PKD1: variants seen among roughly 807,000 people sequenced by gnomAD.
PKD1 encodes the protein polycystin-1.
PKD1 carries 81 observed loss-of-function variants against 361.7 expected under a neutral mutation model. The observed-to-expected ratio is 0.22, with a 90% confidence interval of 0.19 to 0.27. The LOEUF is 0.27. Ranked by LOEUF, PKD1 falls within the 10% of genes least tolerant of loss-of-function variation. The pLI, the probability that PKD1 is intolerant of heterozygous loss-of-function variation, is 1.00. For synonymous variants in PKD1, 3,615 were observed against 2,818.3 expected, an observed-to-expected ratio of 1.28 and a Z score of -8.95; for missense variants, 6,399 against 6,118.3, an observed-to-expected ratio of 1.05 and a Z score of -1.53.
rs760397010 is a variant in PKD1 at position 2,089,843 on chromosome 16, G to T, written c.12796C>A (p.Leu4266Met). The change falls in exon 46 of 46, where the codon CTG (leucine) becomes ATG (methionine). Residue 4266 changes from leucine to methionine, a missense_variant. Leu to Met is a conservative substitution (Grantham distance 15). Coordinates refer to ENST00000262304, the MANE Select transcript of PKD1 (RefSeq NM_001009944.3). ...AGGCGGCTGGGCAGTGCTGGCCGCA[G>T]GCCCGGGGATGGGCCACGGGAAGAT... ...AGSSRGPSPGLRPALPSRLAR... is the reference protein window; with the variant it reads ...AGSSRGPSPGMRPALPSRLAR... 3 of 1,606,188 alleles carry T rather than the reference G, an allele frequency of 1.9e-6. No homozygotes were observed. The highest frequency in any genetic ancestry group is 2.5e-6 in the Non-Finnish European group (3 of 1,177,150).
rs1407130106 is a variant in PKD1, at chr16:2,098,924, G to A, written c.10050+720C>T. 2.0e-5 allele frequency: 3 copies of A among 151,646 alleles called. No individual in the cohort carries two copies. The South Asian group carries it at 5.7e-4, about 29-fold the overall frequency. The allele number at this position is 151,646 out of a possible 1,614,324, so 9.4% of individuals were successfully genotyped here. A position where few individuals can be genotyped will look rare whatever the true frequency, so the allele number is the denominator to read the frequency against. The stretch of plus-strand genomic sequence containing the variant: ...CGGCTCACTGCAAGCTCCGCCTCCT[G>A]GGTTCATGCCATTCTCCTGCCTCAG... On this transcript the variant is annotated intron_variant, in intron 30 of 45. Coordinates refer to ENST00000262304, the MANE Select transcript of PKD1 (RefSeq NM_001009944.3).
At position 2,092,551 on chromosome 16, in the gene PKD1, G is replaced by A. The variant is rs2091644809; in HGVS notation, c.11198C>T (p.Pro3733Leu). 3.1e-6 allele frequency: 5 copies of A among 1,612,470 alleles called. No homozygotes were observed. The Admixed American group carries it at 8.3e-5, about 27-fold the overall frequency. ...LWPWMAHVLL[P>L]YVHGNQSSPE... Reference sequence around the variant, plus strand: ...GCTGGACTGGTTCCCGTGGACGTAGGGCAGCAGCACGTGGGCCATCCATGG... The same window carrying A: ...GCTGGACTGGTTCCCGTGGACGTAGAGCAGCAGCACGTGGGCCATCCATGG... Residue 3733 changes from proline to leucine, a missense_variant, in exon 39 of 46, where the codon CCC becomes CTC. By Grantham distance (98) the Pro-to-Leu change is moderately conservative. Transcript: ENST00000262304.
chr16:2,107,232 G>T, intron 16 of PKD1: 1 of 505,734 alleles, frequency 2.0e-6, no homozygotes, highest in South Asian at 2.0e-5. Flanking sequence ...GCCCCTGGGG[G>T]GATGCGTGTG....
intron 40 of PKD1, 48 bp downstream of exon 40, chr16:2,091,999 T>G: frequency 6.2e-7 from 1 of 1,612,548 alleles, no homozygotes; most frequent in South Asian, 1.1e-5. Flanking sequence ...CCTGGAGAAC[T>G]ACTCCCTTGT....
At position 2,088,858 on chromosome 16, in the gene PKD1, AGCACACTC is replaced by A. The variant is rs2091263902; in HGVS notation, c.*861_*868del. The A allele has an allele frequency of 5.3e-6, 3 of 561,070 alleles. No homozygotes were observed. The highest frequency in any genetic ancestry group is 9.5e-6 in the Non-Finnish European group (3 of 316,482). The allele number at this position is 561,070 out of a possible 1,614,324, so 34.8% of individuals were successfully genotyped here. Reference sequence around the variant, plus strand: ...GGCCTTGAGGCTGCCTGGGCCATACAGCACACTCGCGCGTGCGCGCGCGCACACACACA... The same window carrying A: ...GGCCTTGAGGCTGCCTGGGCCATACAGCGCGTGCGCGCGCGCACACACACA... On this transcript the variant is annotated 3_prime_UTR_variant, in exon 46 of 46. Transcript: ENST00000262304.
At chr16:2,095,713 G>A (rs1042331404) in intron 34 of PKD1, among the ~76,000 whole-genome samples, 5 of 152,268 alleles carry the variant, frequency 3.3e-5, no homozygotes, top group South Asian at 2.1e-4. Flanking sequence ...TGGTCAGCCC[G>A]AAGCACTGTC....
At chr16:2,098,071 A>G (rs1219215657) in intron 30 of PKD1, 87 bp from the exon 31 acceptor site, 2 of 716,688 alleles carry the variant, frequency 2.8e-6, no homozygotes, top group Admixed American at 2.0e-5. Flanking sequence ...CAGACAGGAC[A>G]GAGCCCGGTG....
chr16:2,102,320 C>T, intron 25 of PKD1, 61 bp downstream of exon 25: 1 of 1,506,814 alleles, frequency 6.6e-7, no homozygotes, highest in Non-Finnish European at 9.0e-7. Context: ...CAGGATAGAG[C>T]CGAGCCCACC....
At position 2,111,883 on chromosome 16, in the gene PKD1, G is replaced by C. The variant is rs1365959411; in HGVS notation, c.3296-12C>G. 2.5e-6 allele frequency: 4 copies of C among 1,609,850 alleles called. No homozygotes were observed. Among genetic ancestry groups the C allele is most frequent in the African/African-American group, 1.3e-5 (1 of 74,956 alleles). On this transcript the variant is annotated splice_polypyrimidine_tract_variant and intron_variant, in intron 14 of 45. Transcript: ENST00000262304. Reference sequence around the variant, plus strand: ...CAGGAGGTACTCACCTGTGGGGACAGGCCCGAGTGGGGCAGCCGCGGCACC... The same window carrying C: ...CAGGAGGTACTCACCTGTGGGGACACGCCCGAGTGGGGCAGCCGCGGCACC...
intron 38 of PKD1, 131 bp from the exon 39 acceptor site, chr16:2,092,723 C>A: frequency 1.2e-6 from 1 of 849,490 alleles, no homozygotes; most frequent in African/African-American, 1.7e-5. Context: ...GCTTCTCAGC[C>A]TTATCCTGGG....
chr16:2,094,536 C>T (rs1459604960), intron 34 of PKD1, among the ~76,000 whole-genome samples: 1 of 152,214 alleles, frequency 6.6e-6, no homozygotes, highest in Admixed American at 6.5e-5. Flanking sequence ...CCCTTCAACC[C>T]TGCAAACTAT....
rs36224525 is a variant in PKD1 at position 2,093,508 on chromosome 16, G to A, written c.11016+36C>T. 1.7e-3 allele frequency: 2,652 copies of A among 1,562,994 alleles called. 10 individuals carry two copies. The highest frequency in any genetic ancestry group is 2.1e-3 in the Non-Finnish European group (2,456 of 1,150,288). ...GGGTGGGAGGTGGGAGACAAGAGAC[G>A]GAGGTGGCAGGGGCACAGGCCGCAC... On this transcript the variant is annotated intron_variant, in intron 37 of 45. Coordinates refer to ENST00000262304, the MANE Select transcript of PKD1 (RefSeq NM_001009944.3).
At position 2,090,486 on chromosome 16, in the gene PKD1, G is replaced by C. The variant is rs1349414336; in HGVS notation, c.12243C>G (p.His4081Gln). 2 of 1,612,082 alleles carry C rather than the reference G, an allele frequency of 1.2e-6. No homozygotes were observed. Among genetic ancestry groups the C allele is most frequent in the Non-Finnish European group, 1.7e-6 (2 of 1,179,714 alleles). ...GCCCCACACACAGCAGGGGTGACAG[G>C]TGCCAGGACTCGGCAGGACACAGGG... The part of the protein sequence containing the change: ...LSTLCPAESW[H>Q]LSPLLCVGLW... Residue 4081 changes from histidine to glutamine, a missense_variant, in exon 45 of 46, where the codon CAC (histidine) becomes CAG (glutamine). Physicochemically the swap from His to Gln is conservative, Grantham distance 24. Transcript: ENST00000262304.
rs1246387958 is a variant in PKD1, at chr16:2,089,425, G to A, written c.*302C>T. The stretch of plus-strand genomic sequence containing the variant: ...AGTGGGGGACATCTGCCCAGGGGGT[G>A]GGGCCGGGCACAGCCCGCTGTACCT... On this transcript the variant is annotated 3_prime_UTR_variant, in exon 46 of 46. Coordinates refer to ENST00000262304, the MANE Select transcript of PKD1 (RefSeq NM_001009944.3). 3 of 477,124 alleles carry A rather than the reference G, an allele frequency of 6.3e-6. No homozygotes were observed. The highest frequency in any genetic ancestry group is 3.9e-5 in the African/African-American group (2 of 51,220). The allele number at this position is 477,124 out of a possible 1,614,324, so 29.6% of individuals were successfully genotyped here. A position where few individuals can be genotyped will look rare whatever the true frequency, so the allele number is the denominator to read the frequency against.
chr16:2,105,444 G>C lies in PKD1; in HGVS notation c.7894C>G (p.Pro2632Ala). 1 of 1,592,170 alleles carries C rather than the reference G, an allele frequency of 6.3e-7. No individual in the cohort carries two copies. Among genetic ancestry groups the C allele is most frequent in the Middle Eastern group, 2.3e-4 (1 of 4,412 alleles). Reference sequence around the variant, plus strand: ...GCTCGGTGCTGCCGCTCGTGCTTGGGCTCTGCCGCCACGTCCAGGGCCCGC... The same window carrying C: ...GCTCGGTGCTGCCGCTCGTGCTTGGCCTCTGCCGCCACGTCCAGGGCCCGC... ...YERALDVAAE[P>A]KHERQHRAQI... The change falls in exon 21 of 46, where the codon CCC becomes GCC. Residue 2632 changes from proline to alanine, a missense_variant. By Grantham distance (27) the Pro-to-Ala change is conservative (BLOSUM62 -1). Transcript: ENST00000262304.
Position 2,110,905 on chromosome 16 carries a change from G to A in PKD1, c.4262C>T (p.Ala1421Val). The A allele has an allele frequency of 6.2e-7, 1 of 1,611,422 alleles. No homozygotes were observed. The highest frequency in any genetic ancestry group is 8.5e-7 in the Non-Finnish European group (1 of 1,179,846). The change falls in exon 15 of 46, where the codon GCC (alanine) becomes GTC (valine). Residue 1421 changes from alanine to valine, a missense_variant. Ala to Val is a moderately conservative substitution (Grantham distance 64). Coordinates refer to ENST00000262304, the MANE Select transcript of PKD1 (RefSeq NM_001009944.3). ...RYTWDFGTEE[A>V]APTRARGPEV... is the part of the protein sequence containing the mutation. Reference sequence around the variant, plus strand: ...AGGGCCCCTGGCACGGGTGGGGGCGGCTTCCTCGGTGCCAAAGTCCCAGGT... The same window carrying A: ...AGGGCCCCTGGCACGGGTGGGGGCGACTTCCTCGGTGCCAAAGTCCCAGGT...
chr16:2,132,930 A>G (rs1241825204), intron 1 of PKD1, among the ~76,000 whole-genome samples: 1 of 150,556 alleles, frequency 6.6e-6, no homozygotes, highest in Non-Finnish European at 1.5e-5. Flanking sequence ...AAAAATACAA[A>G]ATTAGCCAGG....
In PKD1 at chr16:2,117,353, C is replaced by A. The variant is rs2092655252; in HGVS notation, c.1385+136G>T. 6 of 660,034 alleles carry A rather than the reference C, an allele frequency of 9.1e-6. No individual in the cohort carries two copies. In the East Asian group the frequency reaches 1.6e-4, roughly 18 times the overall value. 40.9% of individuals were successfully genotyped at this position (660,034 alleles called of 1,614,324 possible). ...TGCAGAGCTGACAGGAACGGCCCCACCGGCCGGCGCCACCTGCTCACCAGG... is the reference window on the plus strand; with the variant it reads ...TGCAGAGCTGACAGGAACGGCCCCAACGGCCGGCGCCACCTGCTCACCAGG... On this transcript the variant is annotated intron_variant, in intron 6 of 45. Transcript: ENST00000262304.
In PKD1 at chr16:2,097,671, C is replaced by G. The variant is rs561360656; in HGVS notation, c.10220+57G>C. ...CAAGGACACGCAGCCCGCACACCCC[C>G]GGCACCCCAGACACAGTGACCTGCA... On this transcript the variant is annotated intron_variant, in intron 32 of 45. Coordinates refer to ENST00000262304, the MANE Select transcript of PKD1 (RefSeq NM_001009944.3). 4.3e-6 allele frequency: 7 copies of G among 1,610,680 alleles called. No individual in the cohort carries two copies. In the South Asian group the frequency reaches 7.7e-5, roughly 18 times the overall value.
Sources: gnomAD v4.1 joint callset for allele counts (sites outside exome capture counted in the v4.1 genomes callset) on GRCh38, gnomAD v4.1.1 for gene constraint, MANE v1.5 for transcripts, NCBI Gene and HGNC (gene_info 2026-07-23, HGNC 2026-07-21) for gene names.